Variants in LUZP2 observed in about 807,000 individuals in gnomAD.
LUZP2 encodes leucine zipper protein 2.
Under a neutral mutation model 51.6 loss-of-function variants are expected in LUZP2, and 52 were observed. The observed-to-expected ratio is 1.01, with a 90% CI of 0.81 to 1.27. The LOEUF is 1.27. LUZP2 is among the 50% of genes most tolerant of loss of function. The pLI, the probability that LUZP2 is intolerant of heterozygous loss-of-function variation, is 0.00. For synonymous variants in LUZP2, 154 were observed against 137.3 expected (o/e 1.12, Z -0.85); for missense variants, 436 against 395.4 (o/e 1.10, Z -0.87).
At chr11:25,077,459 GTATT>G (rs1014759919) in intron 11 of LUZP2, 53 bp downstream of exon 11, 20 of 792,724 alleles carry the variant, frequency 2.5e-5, no homozygotes, top group African/African-American at 5.4e-5. Flanking sequence ...TGGATCCATT[GTATT>G]TATTTATTTA....
At position 24,559,222 on chromosome 11, in the gene LUZP2, A is replaced by G. The variant is rs561388721; in HGVS notation, c.62+61917A>G. ...ATAAAAAATAAGAAAAAACAAGTAG[A>G]TTTGTAAAAATTTTGTGTTAAATTA... On this transcript the variant is annotated intron_variant, in intron 1 of 11. Coordinates refer to ENST00000336930, the MANE Select transcript of LUZP2 (RefSeq NM_001009909.4). 1.4e-4 allele frequency among the ~76,000 whole-genome samples: 22 copies of G among 152,284 alleles called. No homozygotes were observed. The South Asian group carries it at 3.9e-3, about 27-fold the overall frequency.
intron 5 of LUZP2, among the ~76,000 whole-genome samples, chr11:24,781,712 G>A (rs544903868): frequency 2.0e-5 from 3 of 152,028 alleles, no homozygotes; most frequent in South Asian, 2.1e-4. Flanking sequence ...TTATAGAAAG[G>A]AAGTTTTTTT....
chr11:25,055,827 A>T (rs959008929), intron 10 of LUZP2, among the ~76,000 whole-genome samples: 1 of 152,146 alleles, frequency 6.6e-6, no homozygotes, highest in South Asian at 2.1e-4. Flanking sequence ...GTAATCATGA[A>T]TATTTAACCC....
chr11:24,541,002 C>A (rs1356888497), intron 1 of LUZP2, among the ~76,000 whole-genome samples: 1 of 151,918 alleles, frequency 6.6e-6, no homozygotes, highest in Non-Finnish European at 1.5e-5. Flanking sequence ...TCTGTAATCC[C>A]AGCAGTTTGG....
intron 7 of LUZP2, among the ~76,000 whole-genome samples, chr11:24,961,287 A>G (rs1240750820): frequency 6.6e-6 from 1 of 152,090 alleles, no homozygotes; most frequent in Non-Finnish European, 1.5e-5. Flanking sequence ...GCTGAGTTCA[A>G]TTCCTCGGTA....
chr11:24,623,646 G>A (rs1211078083), intron 1 of LUZP2, among the ~76,000 whole-genome samples: 1 of 152,084 alleles, frequency 6.6e-6, no homozygotes, highest in African/African-American at 2.4e-5. Context: ...GGGAGTTGGA[G>A]ACCAGCCTGG....
intron 1 of LUZP2, among the ~76,000 whole-genome samples, chr11:24,612,825 G>T (rs1854164531): frequency 6.6e-6 from 1 of 152,086 alleles, no homozygotes; most frequent in South Asian, 2.1e-4. Flanking sequence ...TAGATAAAGT[G>T]TCCATTGGAC....
chr11:24,542,481 G>A (rs1851401919), intron 1 of LUZP2, among the ~76,000 whole-genome samples: 1 of 151,414 alleles, frequency 6.6e-6, no homozygotes, highest in African/African-American at 2.4e-5. Flanking sequence ...ACTCAACTTA[G>A]TTATTACTGA....
chr11:24,865,956 T>G (rs1233645980), intron 5 of LUZP2, among the ~76,000 whole-genome samples: 1 of 151,672 alleles, frequency 6.6e-6, no homozygotes, highest in African/African-American at 2.4e-5. Flanking sequence ...ACTACAGATG[T>G]GCACCACCAT....
At chr11:25,076,640 A>AAGAGGGAAGGAAG (rs1859309730) in intron 10 of LUZP2, among the ~76,000 whole-genome samples, 1 of 140,314 alleles carries the variant, frequency 7.1e-6, no homozygotes, top group African/African-American at 2.7e-5. Flanking sequence ...GGAAGGGAAA[A>AAGAGGGAAGGAAG]AGAGGGAAGG....
chr11:24,783,260 C>T (rs1031924498), intron 5 of LUZP2, among the ~76,000 whole-genome samples: 24 of 152,016 alleles, frequency 1.6e-4, no homozygotes, highest in African/African-American at 5.5e-4. Context: ...CTCATATTTC[C>T]ATGCATTTCT....
chr11:24,566,474 A>G (rs911660378), intron 1 of LUZP2, among the ~76,000 whole-genome samples: 67 of 149,296 alleles, frequency 4.5e-4, no homozygotes, highest in African/African-American at 1.6e-3. Context: ...GACTACAGGC[A>G]CGTGCCACCA....
intron 5 of LUZP2, among the ~76,000 whole-genome samples, chr11:24,763,529 AT>A (rs1449151126): frequency 1.3e-5 from 2 of 151,990 alleles, no homozygotes; most frequent in Non-Finnish European, 2.9e-5. Context: ...TCTCTAGTTC[AT>A]TTTTCTTTCT....
chr11:24,502,978 A>G (rs1850044818), intron 1 of LUZP2, among the ~76,000 whole-genome samples: 1 of 152,190 alleles, frequency 6.6e-6, no homozygotes, highest in African/African-American at 2.4e-5. Context: ...GCAACATTTA[A>G]AAGGTACAAA....
chr11:24,609,247 GTCA>G (rs1854036463), intron 1 of LUZP2, among the ~76,000 whole-genome samples: 1 of 152,146 alleles, frequency 6.6e-6, no homozygotes, highest in Non-Finnish European at 1.5e-5. Flanking sequence ...TAAAGAAGGA[GTCA>G]TTTTGAGAGA....
chr11:25,067,953 G>A (rs953176587), intron 10 of LUZP2, among the ~76,000 whole-genome samples: 4 of 151,964 alleles, frequency 2.6e-5, no homozygotes, highest in Non-Finnish European at 5.9e-5. Context: ...AAGAAAATGT[G>A]GCACATATGC....
chr11:24,753,956 T>G (rs1158082922), intron 4 of LUZP2, among the ~76,000 whole-genome samples: 2 of 152,180 alleles, frequency 1.3e-5, no homozygotes, highest in Admixed American at 1.3e-4. Flanking sequence ...CCTTTAGTAT[T>G]GGGGGACCAG....
At chr11:24,693,800 T>G (rs1291848651) in intron 1 of LUZP2, among the ~76,000 whole-genome samples, 1 of 151,900 alleles carries the variant, frequency 6.6e-6, no homozygotes, top group Non-Finnish European at 1.5e-5. Context: ...AAAAGCTGAA[T>G]AGTAAAAATA....
intron 9 of LUZP2, among the ~76,000 whole-genome samples, chr11:24,993,085 A>G (rs1286299118): frequency 6.6e-6 from 1 of 152,260 alleles, no homozygotes; most frequent in East Asian, 1.9e-4. Flanking sequence ...AATTATCTGA[A>G]TTTTCAGGGA....
Sources: allele counts gnomAD v4.1 joint callset (sites outside exome capture counted in the v4.1 genomes callset), GRCh38; gene constraint gnomAD v4.1.1; transcripts MANE v1.5; gene names NCBI Gene and HGNC (gene_info 2026-07-23, HGNC 2026-07-21).